Variants in SATL1 observed in about 807,000 individuals in gnomAD.
SATL1 encodes the protein spermidine/spermine N(1)-acetyltransferase-like protein 1.
A neutral mutation model predicts 51.8 loss-of-function variants in SATL1; 47 were observed. That is an observed-to-expected ratio of 0.91 (90% CI 0.72 to 1.16). The LOEUF (loss-of-function observed/expected upper bound fraction) is 1.16, where lower values mean the gene tolerates loss of function less well. SATL1 is among the 50% of genes most tolerant of loss of function. The probability of loss-of-function intolerance (pLI) is 0.00; values close to 1 mark genes in which losing one functional copy is unlikely to be tolerated. For synonymous variants in SATL1, 176 were observed against 182.4 expected (o/e 0.97, Z 0.28); for missense variants, 520 against 526.4 (o/e 0.99, Z 0.12).
In SATL1 at chrX:85,107,993, T is replaced by A; in HGVS notation, c.976A>T (p.Arg326Trp). Residue 326 changes from arginine (R) to tryptophan (W), a missense_variant, in exon 3 of 8, where the codon AGG becomes TGG. This residue lies in a region of SATL1 where 488 missense variants were observed against 474.3 expected (regional missense o/e 1.03). Coordinates refer to ENST00000644105, the MANE Select transcript of SATL1 (RefSeq NM_001367857.2). ...MKQPGTWQLGRSQPGMWPQSL... is the reference protein window; with the variant it reads ...MKQPGTWQLGWSQPGMWPQSL... ...TGTGGCCACATGCCTGGTTGGCTCCTACCTAATTGCCATGTGCCTGGTTGT... is the reference window on the plus strand; with the variant it reads ...TGTGGCCACATGCCTGGTTGGCTCCAACCTAATTGCCATGTGCCTGGTTGT... 8.3e-7 allele frequency: 1 copy of A among 1,210,567 alleles called. No homozygotes were observed. The highest frequency in any genetic ancestry group is 3.0e-5 in the East Asian group (1 of 33,753).
At chrX:85,094,612 G>C (rs975008839) in intron 5 of SATL1, among the ~76,000 whole-genome samples, 1 of 111,151 alleles carries the variant, frequency 9.0e-6, no homozygotes. Flanking sequence ...TGGACATAGT[G>C]GCACATGTCT....
intron 2 of SATL1, among the ~76,000 whole-genome samples, chrX:85,151,530 CA>C (rs777410841): frequency 9.0e-6 from 1 of 111,470 alleles, no homozygotes; most frequent in African/African-American, 3.3e-5. Context: ...GCCAAAAGAA[CA>C]AAGCTGGAGG....
chrX:85,240,907 A>G (rs905930995), intron 1 of SATL1, among the ~76,000 whole-genome samples: 5 of 110,102 alleles, frequency 4.5e-5, no homozygotes, highest in African/African-American at 1.7e-4. Flanking sequence ...TACAGGCGTG[A>G]GCCACCGCAC....
rs903181872 is a variant in SATL1, at chrX:85,162,181, T to C, written c.-312-52901A>G. 2.7e-5 allele frequency among the ~76,000 whole-genome samples: 3 copies of C among 111,642 alleles called. No homozygotes were observed. The Admixed American group carries it at 2.9e-4, about 11-fold the overall frequency. On this transcript the variant is annotated intron_variant, in intron 2 of 7. Transcript: ENST00000644105. ...GCTAAGGCAAAGTTAAGAAAGAAATTATAGCAGTAAATGCCCACGATAAAA... is the reference window on the plus strand; with the variant it reads ...GCTAAGGCAAAGTTAAGAAAGAAATCATAGCAGTAAATGCCCACGATAAAA...
At chrX:85,109,792 T>C (rs1271854701) in intron 2 of SATL1, among the ~76,000 whole-genome samples, 1 of 111,205 alleles carries the variant, frequency 9.0e-6, no homozygotes, top group Non-Finnish European at 1.9e-5. Context: ...GTGGATGGCC[T>C]GGGGTCAGGA....
chrX:85,212,389 T>C (rs894400125), intron 2 of SATL1, among the ~76,000 whole-genome samples: 1 of 111,839 alleles, frequency 8.9e-6, no homozygotes, highest in African/African-American at 3.2e-5. Context: ...TTAAGTATCA[T>C]AGTAATTTAT....
At chrX:85,121,457 A>T (rs1925506414) in intron 2 of SATL1, among the ~76,000 whole-genome samples, 1 of 103,990 alleles carries the variant, frequency 9.6e-6, no homozygotes, top group Non-Finnish European at 1.9e-5. Flanking sequence ...ATATAAATAT[A>T]TATGCTATAT....
At chrX:85,141,106 G>A (rs988789368) in intron 2 of SATL1, among the ~76,000 whole-genome samples, 3 of 111,448 alleles carry the variant, frequency 2.7e-5, no homozygotes, top group African/African-American at 9.8e-5. Context: ...TGACACAGCT[G>A]TATGCAAAGC....
At chrX:85,184,663 G>T (rs1351462508) in intron 2 of SATL1, among the ~76,000 whole-genome samples, 1 of 111,928 alleles carries the variant, frequency 8.9e-6, no homozygotes, top group Non-Finnish European at 1.9e-5. Flanking sequence ...CAGAATGTCT[G>T]CTTGATTCTT....
chrX:85,203,294 T>A (rs183510625), intron 2 of SATL1, among the ~76,000 whole-genome samples: 23 of 108,255 alleles, frequency 2.1e-4, no homozygotes, highest in Admixed American at 1.8e-3. Context: ...TGAGGAAGAA[T>A]GGGAAAGGCA....
intron 2 of SATL1, among the ~76,000 whole-genome samples, chrX:85,117,767 G>A: frequency 9.0e-6 from 1 of 111,635 alleles, no homozygotes; most frequent in Middle Eastern, 4.6e-3. Flanking sequence ...AAGAATGCAT[G>A]TTCATTGTAG....
At chrX:85,153,314 G>A (rs185341448) in intron 2 of SATL1, among the ~76,000 whole-genome samples, 1 of 111,586 alleles carries the variant, frequency 9.0e-6, no homozygotes, top group African/African-American at 3.3e-5. Flanking sequence ...AAACACTCAG[G>A]TTGCAGGTAT....
At chrX:85,142,981 A>G (rs1431257116) in intron 2 of SATL1, 2 of 110,485 alleles carry the variant, frequency 1.8e-5, no homozygotes, top group Non-Finnish European at 3.8e-5. Context: ...AGTGATACCC[A>G]ATGATGTCCT....
chrX:85,142,214 A>G (rs1169556339), intron 2 of SATL1, among the ~76,000 whole-genome samples: 3 of 105,971 alleles, frequency 2.8e-5, no homozygotes, highest in Admixed American at 1.0e-4. Flanking sequence ...GGCTAACACG[A>G]TGAAACCCCG....
intron 2 of SATL1, among the ~76,000 whole-genome samples, chrX:85,220,044 C>G (rs1305785501): frequency 2.7e-5 from 3 of 109,806 alleles, no homozygotes; most frequent in African/African-American, 1.0e-4. Context: ...CTGACACTAC[C>G]TCTCCCCAAC....
intron 2 of SATL1, among the ~76,000 whole-genome samples, chrX:85,180,453 T>G (rs1335584297): frequency 1.8e-5 from 2 of 111,376 alleles, no homozygotes; most frequent in Non-Finnish European, 1.9e-5. Flanking sequence ...ATGTACAGTA[T>G]GTAACTGTAC....
chrX:85,213,309 G>C (rs1927967787), intron 2 of SATL1, among the ~76,000 whole-genome samples: 1 of 111,863 alleles, frequency 8.9e-6, no homozygotes, highest in Non-Finnish European at 1.9e-5. Flanking sequence ...ATTGCTCAAG[G>C]TAATGTTGAA....
chrX:85,100,639 C>G (rs1924869470), intron 4 of SATL1, among the ~76,000 whole-genome samples: 1 of 112,057 alleles, frequency 8.9e-6, no homozygotes, highest in Non-Finnish European at 1.9e-5. Context: ...TCAAAATGAT[C>G]TACATATTTA....
chrX:85,147,655 C>T (rs974490633), intron 2 of SATL1, among the ~76,000 whole-genome samples: 8 of 111,414 alleles, frequency 7.2e-5, no homozygotes, highest in African/African-American at 9.8e-5. Context: ...CAGGAGCATT[C>T]GCGATTCACG....
Sources: gnomAD v4.1 joint callset for allele counts (sites outside exome capture counted in the v4.1 genomes callset) on GRCh38, gnomAD v4.1.1 for gene constraint, gnomAD v4.1.1 regional missense constraint, MANE v1.5 for transcripts, NCBI Gene and HGNC (gene_info 2026-07-23, HGNC 2026-07-21) for gene names.